The following SHROOM3 variants were observed in gnomAD, a reference collection of about 807,000 sequenced individuals.
SHROOM3 encodes the protein shroom family member 3.
In SHROOM3, 47 loss-of-function variants were observed where a neutral mutation model predicts 138.6. The ratio of observed to expected loss-of-function variants is 0.34; its 90% CI spans 0.27 to 0.43. The LOEUF (loss-of-function observed/expected upper bound fraction) is 0.43, where lower values mean the gene tolerates loss of function less well. SHROOM3 is among the 20% of genes least tolerant of loss of function. The probability of loss-of-function intolerance (pLI) is 1.00; values close to 1 mark genes in which losing one functional copy is unlikely to be tolerated. For synonymous variants in SHROOM3, 1,062 were observed against 1,063.3 expected, an observed-to-expected ratio of 1.00 and a Z score of 0.02; for missense variants, 2,491 against 2,596.5, an observed-to-expected ratio of 0.96 and a Z score of 0.88.
intron 6 of SHROOM3, among the ~76,000 whole-genome samples, chr4:76,753,385 T>A (rs1328864486): frequency 6.6e-6 from 1 of 152,212 alleles, no homozygotes. Flanking sequence ...TGCTCTGATG[T>A]GGGACTGAGT....
chr4:76,543,083 T>C (rs1733140161), intron 1 of SHROOM3, among the ~76,000 whole-genome samples: 1 of 152,178 alleles, frequency 6.6e-6, no homozygotes, highest in Non-Finnish European at 1.5e-5. Flanking sequence ...CCATGGCATT[T>C]CCCCACTGAT....
rs115960521 is a variant in SHROOM3, at chr4:76,657,788, G to A, written c.324-52368G>A. Among the ~76,000 whole-genome samples, 508 of 152,286 alleles carry A rather than the reference G, an allele frequency of 3.3e-3. 3 individuals carry two copies. Among genetic ancestry groups the A allele is most frequent in the African/African-American group, 0.011 (465 of 41,556 alleles). ...TACAAAGAGAACAAACTGTCTCCGG[G>A]CCCAAGTAAGACAAGCTAGTGGTCA... On this transcript the variant is annotated intron_variant, in intron 2 of 10. Transcript: ENST00000296043.
intron 2 of SHROOM3, among the ~76,000 whole-genome samples, chr4:76,624,734 T>C (rs1735091240): frequency 6.6e-6 from 1 of 152,212 alleles, no homozygotes; most frequent in Non-Finnish European, 1.5e-5. Context: ...TGTACTAATA[T>C]GAGTGTATAT....
chr4:76,589,731 C>T (rs144943714), intron 2 of SHROOM3, among the ~76,000 whole-genome samples: 1 of 152,202 alleles, frequency 6.6e-6, no homozygotes, highest in African/African-American at 2.4e-5. Context: ...GCGGGGGTCC[C>T]AGCAATCAGC....
chr4:76,611,693 AG>A (rs1342045051), intron 2 of SHROOM3, among the ~76,000 whole-genome samples: 1 of 152,128 alleles, frequency 6.6e-6, no homozygotes, highest in Non-Finnish European at 1.5e-5. Context: ...GGCAGAGGAA[AG>A]TTCTTTAATA....
In SHROOM3 at chr4:76,693,979, A is replaced by ACC. The variant is rs1553937794; in HGVS notation, c.324-16177_324-16176insCC. Among the ~76,000 whole-genome samples, 4 of 151,510 alleles carry ACC rather than the reference A, an allele frequency of 2.6e-5. No homozygotes were observed. In the South Asian group the frequency reaches 6.2e-4, roughly 24 times the overall value. ...TCCCAAAGATGTAGGTAGAAAAAAAAAACAAAACTCGATCTCTCTATCAAA... is the reference window on the plus strand; with the variant it reads ...TCCCAAAGATGTAGGTAGAAAAAAAACCAACAAAACTCGATCTCTCTATCAAA... On this transcript the variant is annotated intron_variant, in intron 2 of 10. Transcript: ENST00000296043.
At chr4:76,651,059 T>A (rs1363336414) in intron 2 of SHROOM3, among the ~76,000 whole-genome samples, 1 of 152,142 alleles carries the variant, frequency 6.6e-6, no homozygotes, top group Non-Finnish European at 1.5e-5. Flanking sequence ...TTCTCACTTA[T>A]TTGTGGGATT....
intron 2 of SHROOM3, among the ~76,000 whole-genome samples, chr4:76,705,998 A>G (rs965204428): frequency 6.6e-6 from 1 of 152,180 alleles, no homozygotes; most frequent in African/African-American, 2.4e-5. Context: ...CTAACTACCA[A>G]TAGCCTACTG....
chr4:76,555,671 G>A lies in SHROOM3; in HGVS notation c.231G>A (p.Val77=), dbSNP rs368445271. The change falls in exon 2 of 11, where the codon GTG becomes GTA. Residue 77 remains valine, a synonymous_variant. Coordinates refer to ENST00000296043, the MANE Select transcript of SHROOM3 (RefSeq NM_020859.4). The stretch of plus-strand genomic sequence containing the variant: ...AACTGCAGGCTGGGGATGAGGTTGT[G>A]CACATCAATGAGGTGACTCTGAGCA... ...SSKLQAGDEV[V]HINEVTLSSS... is the part of the protein sequence containing the mutation. 1.3e-4 allele frequency: 203 copies of A among 1,613,992 alleles called. No individual in the cohort carries two copies. Among genetic ancestry groups the A allele is most frequent in the Middle Eastern group, 1.7e-4 (1 of 6,060 alleles).
At chr4:76,633,344 AAAAAAAAAAG>A (rs1205180927) in intron 2 of SHROOM3, among the ~76,000 whole-genome samples, 4 of 150,758 alleles carry the variant, frequency 2.7e-5, no homozygotes, top group African/African-American at 4.9e-5. Context: ...AAAAAAAAAA[AAAAAAAAAAG>A]AAAAAGAAAA....
intron 2 of SHROOM3, among the ~76,000 whole-genome samples, chr4:76,621,186 A>G (rs562504268): frequency 6.6e-6 from 1 of 152,124 alleles, no homozygotes; most frequent in Admixed American, 6.5e-5. Context: ...AGTCAAGGGC[A>G]GAGTCTCAGC....
At chr4:76,723,558 G>A (rs1166667363) in intron 3 of SHROOM3, among the ~76,000 whole-genome samples, 1 of 152,102 alleles carries the variant, frequency 6.6e-6, no homozygotes, top group Non-Finnish European at 1.5e-5. Context: ...ATAACTATAT[G>A]AGAATATCTT....
At chr4:76,495,999 C>G (rs988054474) in intron 1 of SHROOM3, among the ~76,000 whole-genome samples, 1 of 152,162 alleles carries the variant, frequency 6.6e-6, no homozygotes, top group Non-Finnish European at 1.5e-5. Flanking sequence ...ATGGAGGTGT[C>G]AGTGGACCAA....
At chr4:76,728,339 G>A (rs971680508) in intron 3 of SHROOM3, among the ~76,000 whole-genome samples, 1 of 152,212 alleles carries the variant, frequency 6.6e-6, no homozygotes, top group Non-Finnish European at 1.5e-5. Context: ...CTGTTCTCAT[G>A]ATAGTGAATA....
intron 1 of SHROOM3, among the ~76,000 whole-genome samples, chr4:76,498,362 G>A (rs1732013108): frequency 1.3e-5 from 2 of 152,062 alleles, no homozygotes; most frequent in South Asian, 4.1e-4. Flanking sequence ...GAGAGAGGGA[G>A]GGAGAAAGAA....
intron 2 of SHROOM3, chr4:76,689,092 C>T (rs1418353565): frequency 2.4e-5 from 8 of 329,964 alleles, no homozygotes; most frequent in Non-Finnish European, 3.5e-5. Flanking sequence ...CTTTTGGATT[C>T]CTCTGCATTT....
intron 1 of SHROOM3, among the ~76,000 whole-genome samples, chr4:76,443,485 CT>C (rs1380820590): frequency 6.6e-6 from 1 of 152,208 alleles, no homozygotes; most frequent in Non-Finnish European, 1.5e-5. Context: ...CATAGACAGA[CT>C]CTTCCACATC....
At chr4:76,572,899 G>A (rs190964675) in intron 2 of SHROOM3, among the ~76,000 whole-genome samples, 4 of 151,996 alleles carry the variant, frequency 2.6e-5, no homozygotes, top group Admixed American at 2.0e-4. Context: ...TGGTCAACAC[G>A]GTTAAACCCT....
intron 3 of SHROOM3, among the ~76,000 whole-genome samples, chr4:76,727,641 G>A (rs1577999334): frequency 1.3e-5 from 2 of 152,264 alleles, no homozygotes; most frequent in Middle Eastern, 6.8e-3. Context: ...TGTAATTCCA[G>A]CACCTTGGGA....
Sources: allele counts gnomAD v4.1 joint callset (sites outside exome capture counted in the v4.1 genomes callset), GRCh38; gene constraint gnomAD v4.1.1; transcripts MANE v1.5; gene names NCBI Gene and HGNC (gene_info 2026-07-23, HGNC 2026-07-21).